The following SLC2A13 variants were observed in gnomAD, a reference collection of about 807,000 sequenced individuals.
SLC2A13 encodes proton myo-inositol cotransporter.
SLC2A13 carries 32 observed loss-of-function variants against 64.4 expected under a neutral mutation model. That is an observed-to-expected ratio of 0.50 (90% CI 0.37 to 0.67). The LOEUF is 0.67. SLC2A13 is among the 30% of genes least tolerant of loss of function. The pLI is 0.00. For synonymous variants in SLC2A13, 338 were observed against 327.1 expected (o/e 1.03, Z -0.36); for missense variants, 743 against 829.2 (o/e 0.90, Z 1.28).
intron 3 of SLC2A13, among the ~76,000 whole-genome samples, chr12:39,997,828 C>A (rs138820594): frequency 6.6e-6 from 1 of 151,830 alleles, no homozygotes; most frequent in South Asian, 2.1e-4. Context: ...GAGACTCCAT[C>A]TCGAAAAAAA....
chr12:39,945,521 G>C (rs1946117979), intron 4 of SLC2A13, among the ~76,000 whole-genome samples: 1 of 151,866 alleles, frequency 6.6e-6, no homozygotes, highest in South Asian at 2.1e-4. Context: ...CATAATCCCA[G>C]ACTTCTTATA....
At chr12:39,802,648 T>A (rs1941832345) in intron 7 of SLC2A13, among the ~76,000 whole-genome samples, 1 of 152,198 alleles carries the variant, frequency 6.6e-6, no homozygotes, top group African/African-American at 2.4e-5. Context: ...TAGAACTATA[T>A]GTATATATAG....
chr12:40,070,148 A>G (rs11175024), intron 1 of SLC2A13, among the ~76,000 whole-genome samples: 55,481 of 147,842 alleles, frequency 0.38, 10,390 homozygotes, highest in Non-Finnish European at 0.41. Flanking sequence ...TATAAAATCT[A>G]TGGCAGGAAA....
chr12:40,089,528 G>A (rs542726420), intron 1 of SLC2A13, among the ~76,000 whole-genome samples: 6 of 152,164 alleles, frequency 3.9e-5, no homozygotes, highest in South Asian at 4.2e-4. Context: ...AGAATCAAGC[G>A]GGACTAGAGA....
At position 39,895,873 on chromosome 12, in the gene SLC2A13, C is replaced by T. The variant is rs796672289; in HGVS notation, c.1035-23912G>A. Reference sequence around the variant, plus strand: ...ATGTATATGCGTGTATATGCACACACATATGTATATGCGTGTATATGCACA... The same window carrying T: ...ATGTATATGCGTGTATATGCACACATATATGTATATGCGTGTATATGCACA... On this transcript the variant is annotated intron_variant, in intron 4 of 9. Transcript: ENST00000280871. Among the ~76,000 whole-genome samples, 24 of 69,870 alleles carry T rather than the reference C, an allele frequency of 3.4e-4. 1 individual carries two copies. Among genetic ancestry groups the T allele is most frequent in the South Asian group, 5.6e-4 (1 of 1,772 alleles). The allele number at this position is 69,870 out of a possible 152,430, so 45.8% of individuals were successfully genotyped here.
chr12:39,940,540 C>T (rs1946001944), intron 4 of SLC2A13, among the ~76,000 whole-genome samples: 1 of 151,900 alleles, frequency 6.6e-6, no homozygotes, highest in Non-Finnish European at 1.5e-5. Context: ...CAACCATCAG[C>T]CTAGCTTGTC....
At chr12:39,922,120 T>TA (rs998057541) in intron 4 of SLC2A13, among the ~76,000 whole-genome samples, 4 of 152,196 alleles carry the variant, frequency 2.6e-5, no homozygotes, top group Admixed American at 6.5e-5. Flanking sequence ...TACAAACACT[T>TA]AAAAAAACCC....
At chr12:40,088,530 C>G (rs537482577) in intron 1 of SLC2A13, among the ~76,000 whole-genome samples, 1 of 152,128 alleles carries the variant, frequency 6.6e-6, no homozygotes, top group Non-Finnish European at 1.5e-5. Flanking sequence ...CTCCAAAGCT[C>G]TACAGAAGTG....
chr12:39,976,576 T>A (rs1320409049), intron 3 of SLC2A13, among the ~76,000 whole-genome samples: 1 of 151,666 alleles, frequency 6.6e-6, no homozygotes, highest in Non-Finnish European at 1.5e-5. Context: ...CTTTTTTTTT[T>A]AAAGACTGGG....
At chr12:39,854,506 T>C (rs1392692276) in intron 6 of SLC2A13, among the ~76,000 whole-genome samples, 1 of 152,196 alleles carries the variant, frequency 6.6e-6, no homozygotes, top group Non-Finnish European at 1.5e-5. Context: ...GCCTTTAACA[T>C]TTATTTGTAA....
chr12:39,993,577 A>G (rs1464977319), intron 3 of SLC2A13, among the ~76,000 whole-genome samples: 1 of 152,252 alleles, frequency 6.6e-6, no homozygotes, highest in Non-Finnish European at 1.5e-5. Flanking sequence ...TATCCTTCAT[A>G]AACTGTTGTC....
intron 3 of SLC2A13, among the ~76,000 whole-genome samples, chr12:39,999,092 T>C (rs1488974671): frequency 6.6e-6 from 1 of 152,218 alleles, no homozygotes; most frequent in Non-Finnish European, 1.5e-5. Context: ...CTTAGGCCTG[T>C]CTTACTTTAA....
At chr12:39,925,791 T>C (rs1945718162) in intron 4 of SLC2A13, among the ~76,000 whole-genome samples, 1 of 152,202 alleles carries the variant, frequency 6.6e-6, no homozygotes, top group Non-Finnish European at 1.5e-5. Context: ...TATCTGTCTA[T>C]ATACTGATGC....
intron 4 of SLC2A13, among the ~76,000 whole-genome samples, chr12:39,896,324 A>G (rs1037029499): frequency 3.9e-5 from 5 of 128,980 alleles, no homozygotes; most frequent in East Asian, 2.5e-4. Context: ...ATGTATGTAT[A>G]TGTGTATATA....
intron 1 of SLC2A13, among the ~76,000 whole-genome samples, chr12:40,080,038 T>C (rs1938335474): frequency 6.6e-6 from 1 of 152,072 alleles, no homozygotes; most frequent in East Asian, 1.9e-4. Flanking sequence ...TTTTTTGCAT[T>C]CTTAGTAGAG....
At chr12:39,953,328 G>A (rs1459857201) in intron 3 of SLC2A13, among the ~76,000 whole-genome samples, 7 of 152,130 alleles carry the variant, frequency 4.6e-5, no homozygotes, top group Admixed American at 2.0e-4. Flanking sequence ...AATGATGGTA[G>A]TTCCTTTATT....
intron 7 of SLC2A13, among the ~76,000 whole-genome samples, chr12:39,776,157 C>T (rs1940769163): frequency 6.6e-6 from 1 of 152,212 alleles, no homozygotes; most frequent in African/African-American, 2.4e-5. Context: ...AGTTATTAGC[C>T]CTTCTCCTGC....
At chr12:40,034,172 GC>G (rs1290003280) in intron 2 of SLC2A13, among the ~76,000 whole-genome samples, 1 of 152,130 alleles carries the variant, frequency 6.6e-6, no homozygotes, top group African/African-American at 2.4e-5. Context: ...TGTTTTTGTA[GC>G]CCTTGAGGAG....
intron 7 of SLC2A13, among the ~76,000 whole-genome samples, chr12:39,782,238 A>G (rs184472030): frequency 2.1e-3 from 316 of 152,262 alleles, no homozygotes; most frequent in Non-Finnish European, 3.5e-3. Context: ...TTCCCCAGTA[A>G]CATGGTTTGG....
Sources: gnomAD v4.1 joint callset for allele counts (sites outside exome capture counted in the v4.1 genomes callset) on GRCh38, gnomAD v4.1.1 for gene constraint, MANE v1.5 for transcripts, NCBI Gene and HGNC (gene_info 2026-07-23, HGNC 2026-07-21) for gene names.